CCBE1: variants seen among roughly 807,000 people sequenced by gnomAD.
CCBE1 encodes the protein collagen and calcium-binding EGF domain-containing protein 1.
A neutral mutation model predicts 50.0 loss-of-function variants in CCBE1; 37 were observed. That is an observed-to-expected ratio of 0.74 (90% CI 0.57 to 0.97). The LOEUF (loss-of-function observed/expected upper bound fraction) is 0.97, where lower values mean the gene tolerates loss of function less well. Among genes scored for constraint, CCBE1 ranks in the 50% least tolerant of loss-of-function variants. CCBE1 has a pLI of 0.00. For missense variants in CCBE1, 538 were observed against 523.8 expected, an observed-to-expected ratio of 1.03 and a Z score of -0.26; for synonymous variants, 234 against 203.7, an observed-to-expected ratio of 1.15 and a Z score of -1.27.
chr18:59,565,734 G>C (rs989782739), intron 2 of CCBE1, among the ~76,000 whole-genome samples: 3 of 151,938 alleles, frequency 2.0e-5, no homozygotes, highest in African/African-American at 7.3e-5. Context: ...TAGCTAAGAG[G>C]GGAAGACGGG....
intron 2 of CCBE1, among the ~76,000 whole-genome samples, chr18:59,502,086 C>T (rs1309808358): frequency 6.6e-6 from 1 of 152,238 alleles, no homozygotes; most frequent in African/African-American, 2.4e-5. Context: ...CAGGCATGAG[C>T]CAGCACACCT....
chr18:59,696,476 A>G (rs531281816), intron 2 of CCBE1, 153 bp downstream of exon 2: 4 of 1,508,144 alleles, frequency 2.7e-6, no homozygotes, highest in East Asian at 2.5e-5. Context: ...ACCAACCCTC[A>G]AAGATTCGCA....
chr18:59,605,519 G>C (rs562892741), intron 2 of CCBE1, among the ~76,000 whole-genome samples: 51 of 152,178 alleles, frequency 3.4e-4, no homozygotes, highest in Non-Finnish European at 6.5e-4. Flanking sequence ...ATAACTCTTA[G>C]GTTGGCCAGC....
intron 2 of CCBE1, among the ~76,000 whole-genome samples, chr18:59,654,487 G>T (rs983165599): frequency 5.3e-5 from 8 of 152,192 alleles, no homozygotes; most frequent in Admixed American, 4.6e-4. Context: ...AGCTGGATGT[G>T]GTGGCACACA....
At chr18:59,520,137 G>T (rs1015163660) in intron 2 of CCBE1, among the ~76,000 whole-genome samples, 1 of 152,092 alleles carries the variant, frequency 6.6e-6, no homozygotes, top group African/African-American at 2.4e-5. Flanking sequence ...TTTTGCTTAG[G>T]ATTGTCTTGG....
chr18:59,652,517 A>G (rs2054139251), intron 2 of CCBE1, among the ~76,000 whole-genome samples: 1 of 152,148 alleles, frequency 6.6e-6, no homozygotes, highest in Admixed American at 6.5e-5. Flanking sequence ...CCTAGAATAA[A>G]ATACTATAAA....
chr18:59,650,229 T>C (rs1308108367), intron 2 of CCBE1, among the ~76,000 whole-genome samples: 2 of 151,772 alleles, frequency 1.3e-5, no homozygotes, highest in Admixed American at 6.6e-5. Flanking sequence ...TAAACAGATA[T>C]ACAGCACTAA....
intron 4 of CCBE1, among the ~76,000 whole-genome samples, chr18:59,468,731 T>G (rs1911875298): frequency 6.6e-6 from 1 of 152,184 alleles, no homozygotes; most frequent in Non-Finnish European, 1.5e-5. Context: ...TCCAGTTGAT[T>G]CTTAAATCTC....
At chr18:59,550,998 CAAAAAAAAAAAAAAAAAA>C (rs555160847) in intron 2 of CCBE1, among the ~76,000 whole-genome samples, 4 of 71,360 alleles carry the variant, frequency 5.6e-5, no homozygotes, top group Non-Finnish European at 7.7e-5. Context: ...CAGCGAGACT[CAAAAAAAAAAAAAAAAAA>C]AAAAAAAAAA....
At chr18:59,565,355 G>T (rs1320039465) in intron 2 of CCBE1, among the ~76,000 whole-genome samples, 1 of 101,498 alleles carries the variant, frequency 9.9e-6, no homozygotes, top group Non-Finnish European at 1.9e-5. Flanking sequence ...GGCCCTCAAT[G>T]AAGAGCATCA....
At chr18:59,563,547 C>A (rs562160495) in intron 2 of CCBE1, among the ~76,000 whole-genome samples, 36 of 152,130 alleles carry the variant, frequency 2.4e-4, no homozygotes, top group Non-Finnish European at 4.6e-4. Context: ...GGCTGAGAAG[C>A]AGTAGACCCT....
chr18:59,502,506 A>C (rs1392703235), intron 2 of CCBE1, among the ~76,000 whole-genome samples: 1 of 152,136 alleles, frequency 6.6e-6, no homozygotes, highest in Non-Finnish European at 1.5e-5. Flanking sequence ...GCCGTCAGCC[A>C]GATTCTTTTG....
chr18:59,572,298 T>C (rs1196833833), intron 2 of CCBE1, among the ~76,000 whole-genome samples: 1 of 152,112 alleles, frequency 6.6e-6, no homozygotes, highest in Non-Finnish European at 1.5e-5. Flanking sequence ...TTTTATGGGT[T>C]TTTTTCCCCC....
At chr18:59,501,295 T>A (rs1217262444) in intron 2 of CCBE1, among the ~76,000 whole-genome samples, 1 of 152,162 alleles carries the variant, frequency 6.6e-6, no homozygotes, top group African/African-American at 2.4e-5. Flanking sequence ...CACATCTCCT[T>A]TTACTTACCC....
chr18:59,546,362 A>G (rs1396640268), intron 2 of CCBE1, among the ~76,000 whole-genome samples: 1 of 152,206 alleles, frequency 6.6e-6, no homozygotes, highest in African/African-American at 2.4e-5. Context: ...CACCTCCTAC[A>G]TTGGCTCTGG....
intron 2 of CCBE1, among the ~76,000 whole-genome samples, chr18:59,588,735 G>A (rs2053214745): frequency 6.6e-6 from 1 of 152,172 alleles, no homozygotes; most frequent in African/African-American, 2.4e-5. Flanking sequence ...CACTGAACCA[G>A]AAGTGCTTCT....
chr18:59,472,351 C>A (rs576980362), intron 3 of CCBE1, among the ~76,000 whole-genome samples: 12 of 152,294 alleles, frequency 7.9e-5, no homozygotes, highest in African/African-American at 2.9e-4. Context: ...TACTAGTTAG[C>A]AATTCTTCAT....
rs757099412 is a variant in CCBE1, at chr18:59,697,366, C to T, written c.-24G>A. The stretch of plus-strand genomic sequence containing the variant: ...ATCAGGGAAGCTCCCGGCTTCTTCC[C>T]AGCGCCGAGCTCCGTCCGGACCAAG... On this transcript the variant is annotated 5_prime_UTR_variant, in exon 1 of 11. Coordinates refer to ENST00000439986, the MANE Select transcript of CCBE1 (RefSeq NM_133459.4). The T allele has an allele frequency of 2.6e-6, 4 of 1,542,676 alleles. No individual in the cohort carries two copies. The South Asian group carries it at 4.8e-5, about 18-fold the overall frequency.
At chr18:59,576,908 G>GT (rs1163555743) in intron 2 of CCBE1, among the ~76,000 whole-genome samples, 1 of 152,184 alleles carries the variant, frequency 6.6e-6, no homozygotes, top group African/African-American at 2.4e-5. Context: ...TGAAAGAGAT[G>GT]TTTTTTCTGA....
Sources: gnomAD v4.1 joint callset for allele counts (sites outside exome capture counted in the v4.1 genomes callset) on GRCh38, gnomAD v4.1.1 for gene constraint, MANE v1.5 for transcripts, NCBI Gene and HGNC (gene_info 2026-07-23, HGNC 2026-07-21) for gene names.